Variants in UGGT1 observed in about 807,000 individuals in gnomAD.
UGGT1 encodes UDP-glucose:glycoprotein glucosyltransferase 1.
A neutral mutation model predicts 203.9 loss-of-function variants in UGGT1; 107 were observed. The ratio of observed to expected loss-of-function variants is 0.52; its 90% CI spans 0.45 to 0.62. The LOEUF is 0.62. Among genes scored for constraint, UGGT1 ranks in the 20% least tolerant of loss-of-function variants. UGGT1 has a pLI of 0.00. For missense variants in UGGT1, 1,673 were observed against 1,867.2 expected (o/e 0.90, Z 1.92); for synonymous variants, 628 against 653.5 (o/e 0.96, Z 0.59).
At chr2:128,150,262 C>A (rs1261035591) in intron 18 of UGGT1, among the ~76,000 whole-genome samples, 1 of 152,062 alleles carries the variant, frequency 6.6e-6, no homozygotes, top group African/African-American at 2.4e-5. Context: ...ATAACGAGAC[C>A]TCATCTCTAC....
rs66611494 is a variant in UGGT1, at chr2:128,106,110, C to CTT, written c.278-1810_278-1809dup. 2.6e-3 allele frequency among the ~76,000 whole-genome samples: 259 copies of CTT among 101,332 alleles called. 1 individual carries two copies. The highest frequency in any genetic ancestry group is 7.5e-3 in the African/African-American group (209 of 27,928). The allele number at this position is 101,332 out of a possible 152,430, so 66.5% of individuals were successfully genotyped here. A position where few individuals can be genotyped will look rare whatever the true frequency, so the allele number is the denominator to read the frequency against. ...GTGGGCCACCATGCCCAGCCTGAATCTTTTTTTTTTTTTTTTTTTGGAGAT... is the reference window on the plus strand; with the variant it reads ...GTGGGCCACCATGCCCAGCCTGAATCTTTTTTTTTTTTTTTTTTTTTGGAGAT... On this transcript the variant is annotated intron_variant, in intron 3 of 40. Coordinates refer to ENST00000259253, the MANE Select transcript of UGGT1 (RefSeq NM_020120.4).
intron 28 of UGGT1, 149 bp from the exon 29 acceptor site, chr2:128,172,424 A>G (rs1691151724): frequency 8.7e-6 from 10 of 1,155,864 alleles, no homozygotes; most frequent in Non-Finnish European, 1.2e-5. Context: ...CATAAGGTCA[A>G]AGATGGTTTT....
chr2:128,092,383 C>T (rs1452529699), intron 1 of UGGT1, among the ~76,000 whole-genome samples: 1 of 150,590 alleles, frequency 6.6e-6, no homozygotes, highest in Non-Finnish European at 1.5e-5. Context: ...CCAGTCTGAT[C>T]TTGAACTCCT....
At chr2:128,102,934 T>C (rs1687445347) in intron 2 of UGGT1, 1 of 403,426 alleles carries the variant, frequency 2.5e-6, no homozygotes, top group Admixed American at 3.0e-5. Flanking sequence ...TGTCAGTTAC[T>C]AGAAAGCCTA....
intron 31 of UGGT1, 38 bp from the exon 32 acceptor site, chr2:128,176,776 T>C: frequency 1.3e-6 from 2 of 1,585,260 alleles, no homozygotes; most frequent in Non-Finnish European, 1.7e-6. Flanking sequence ...CTTTTGAGAA[T>C]TGTGCCTTGT....
chr2:128,102,147 T>TA (rs1302499834), intron 2 of UGGT1, among the ~76,000 whole-genome samples: 1 of 148,986 alleles, frequency 6.7e-6, no homozygotes, highest in Admixed American at 6.7e-5. Flanking sequence ...AAATCATAAT[T>TA]TTTTTTTTTT....
rs759626384 is a variant in UGGT1 at position 128,178,576 on chromosome 2, CTTG to C, written c.3815+11_3815+13del. On this transcript the variant is annotated splice_region_variant and intron_variant, in intron 34 of 40. Coordinates refer to ENST00000259253, the MANE Select transcript of UGGT1 (RefSeq NM_020120.4). ...TCTACGAAAGATTTCTTCGGTCAGT[CTTG>C]TTGATTATTTCATTATATATGATGA... 1 of 1,594,748 alleles carries C rather than the reference CTTG, an allele frequency of 6.3e-7. No individual in the cohort carries two copies. The highest frequency in any genetic ancestry group is 1.1e-5 in the South Asian group (1 of 89,434).
At chr2:128,180,815 G>A in intron 35 of UGGT1, 75 bp from the exon 36 acceptor site, 1 of 1,441,570 alleles carries the variant, frequency 6.9e-7, no homozygotes, top group South Asian at 1.3e-5. Flanking sequence ...GTATCATGGT[G>A]GTTGGCTTAC....
intron 16 of UGGT1, chr2:128,139,910 G>A (rs1689323536): frequency 6.5e-6 from 1 of 153,594 alleles, no homozygotes; most frequent in East Asian, 1.9e-4. Context: ...TGGGGACAGT[G>A]CAGTAGGCGT....
At chr2:128,152,668 A>T (rs1690029198) in intron 18 of UGGT1, 116 bp from the exon 19 acceptor site, 3 of 1,378,870 alleles carry the variant, frequency 2.2e-6, no homozygotes, top group Non-Finnish European at 2.9e-6. Context: ...TGTCTTAACT[A>T]TTATTAGCAC....
intron 37 of UGGT1, 95 bp downstream of exon 37, chr2:128,182,385 G>T: frequency 7.1e-7 from 1 of 1,405,012 alleles, no homozygotes; most frequent in South Asian, 1.5e-5. Flanking sequence ...CATTGGTATG[G>T]TTGAAAAATA....
In UGGT1 at chr2:128,097,511, T is replaced by C; in HGVS notation, c.141T>C (p.Ile47=). Residue 47 remains isoleucine, a synonymous_variant, in exon 2 of 41, where the codon ATT becomes ATC. Coordinates refer to ENST00000259253, the MANE Select transcript of UGGT1 (RefSeq NM_020120.4). The part of the protein sequence containing the change: ...FSSVKADSKA[I]TTSLTTKWFS... The stretch of plus-strand genomic sequence containing the variant: ...CAGTAAAGGCCGACTCAAAAGCCAT[T>C]ACAACCTCTCTTACAACAAAATGGT... 6.2e-7 allele frequency: 1 copy of C among 1,614,248 alleles called. No individual in the cohort carries two copies. Among genetic ancestry groups the C allele is most frequent in the Non-Finnish European group, 8.5e-7 (1 of 1,180,038 alleles).
chr2:128,121,325 T>C, intron 10 of UGGT1, 27 bp downstream of exon 10: 1 of 1,511,954 alleles, frequency 6.6e-7, no homozygotes, highest in Admixed American at 1.9e-5. Flanking sequence ...CTCTTCTCCT[T>C]AACATCATAC....
intron 22 of UGGT1, among the ~76,000 whole-genome samples, chr2:128,157,874 G>T (rs1206251409): frequency 2.0e-5 from 3 of 152,204 alleles, no homozygotes; most frequent in African/African-American, 7.2e-5. Flanking sequence ...GATTCTTCTG[G>T]AGAGTGTCAT....
Position 128,107,416 on chromosome 2 carries a change from G to A in UGGT1, c.278-522G>A, listed in dbSNP as rs545982658. The stretch of plus-strand genomic sequence containing the variant: ...CACTGCTCAGTTTTGTTTAGTTTTT[G>A]GAGTAGTTACCATATGCTAGGCATC... On this transcript the variant is annotated intron_variant, in intron 3 of 40. Transcript: ENST00000259253. 3.4e-4 allele frequency among the ~76,000 whole-genome samples: 51 copies of A among 152,182 alleles called. No individual in the cohort carries two copies. In the South Asian group the frequency reaches 0.01, roughly 30 times the overall value.
rs375800908 is a variant in UGGT1, at chr2:128,182,247, G to A, written c.4201G>A (p.Gly1401Arg). 2 of 1,614,038 alleles carry A rather than the reference G, an allele frequency of 1.2e-6. No individual in the cohort carries two copies. The highest frequency in any genetic ancestry group is 2.7e-5 in the African/African-American group (2 of 74,924). ...EMDGYRFWKS[G>R]YWASHLAGRK... ...GGACGGCTACAGGTTCTGGAAGTCA[G>A]GGTACTGGGCCAGTCATTTAGCCGG... The change falls in exon 37 of 41, where the codon GGG (glycine) becomes AGG (arginine). Residue 1401 changes from glycine (G) to arginine (R), a missense_variant. Coordinates refer to ENST00000259253, the MANE Select transcript of UGGT1 (RefSeq NM_020120.4).
At chr2:128,116,602 G>A (rs774376684) in intron 8 of UGGT1, among the ~76,000 whole-genome samples, 3 of 151,988 alleles carry the variant, frequency 2.0e-5, no homozygotes, top group Non-Finnish European at 2.9e-5. Context: ...TCGACTCACT[G>A]CAACCTCCAC....
intron 23 of UGGT1, 113 bp downstream of exon 23, chr2:128,159,833 C>A: frequency 8.9e-7 from 1 of 1,129,026 alleles, no homozygotes; most frequent in Non-Finnish European, 1.2e-6. Flanking sequence ...AGTCCTGAGT[C>A]TCAGGGAATT....
At chr2:128,170,515 C>A in intron 27 of UGGT1, 125 bp downstream of exon 27, 1 of 721,118 alleles carries the variant, frequency 1.4e-6, no homozygotes. Context: ...CTATGGGGTT[C>A]TAGGGCAGAG....
Sources: allele counts gnomAD v4.1 joint callset (sites outside exome capture counted in the v4.1 genomes callset), GRCh38; gene constraint gnomAD v4.1.1; transcripts MANE v1.5; gene names NCBI Gene and HGNC (gene_info 2026-07-23, HGNC 2026-07-21).